The following LRRTM4 variants were observed in gnomAD, a reference collection of about 807,000 sequenced individuals.
The protein encoded by LRRTM4 is leucine rich repeat transmembrane neuronal 4.
A neutral mutation model predicts 47.6 loss-of-function variants in LRRTM4; 25 were observed. The observed-to-expected ratio is 0.53, with a 90% CI of 0.38 to 0.73. The LOEUF is 0.73. Ranked by LOEUF, LRRTM4 falls within the 30% of genes least tolerant of loss-of-function variation. The pLI is 0.00. For synonymous variants in LRRTM4, 311 were observed against 269.5 expected (o/e 1.15, Z -1.51); for missense variants, 638 against 713.4 (o/e 0.89, Z 1.20).
At chr2:77,063,141 G>A (rs911731973) in intron 3 of LRRTM4, among the ~76,000 whole-genome samples, 1 of 147,014 alleles carries the variant, frequency 6.8e-6, no homozygotes, top group Non-Finnish European at 1.5e-5. Flanking sequence ...TTTTTTTTTA[G>A]GAGAGACAGG....
Position 77,519,067 on chromosome 2 carries a change from T to G in LRRTM4, c.802A>C (p.Ile268Leu). 6.2e-7 allele frequency: 1 copy of G among 1,612,794 alleles called. No individual in the cohort carries two copies. Among genetic ancestry groups the G allele is most frequent in the South Asian group, 1.1e-5 (1 of 90,988 alleles). The part of the protein sequence containing the change: ...LDLSGNDIQG[I>L]EPGTFKCLPN... ...AGGCATTTAAATGTGCCCGGCTCAA[T>G]TCCTTGGATGTCATTCCCTGATAAA... is the stretch of plus-strand genomic sequence containing the variant. The change falls in exon 3 of 4, where the codon ATT (isoleucine) becomes CTT (leucine). Residue 268 changes from isoleucine (I) to leucine (L), a missense_variant. Coordinates refer to ENST00000409884, the MANE Select transcript of LRRTM4 (RefSeq NM_001134745.3). This position sits in a 1 kb window ranked among gnomAD's most constrained non-coding sequence, Gnocchi z 4.6.
intron 3 of LRRTM4, among the ~76,000 whole-genome samples, chr2:77,139,685 T>C (rs1478636928): frequency 1.3e-5 from 2 of 152,148 alleles, no homozygotes; most frequent in Non-Finnish European, 2.9e-5. Flanking sequence ...AGTCAAATTG[T>C]CCCTGTTTGT....
chr2:77,065,073 T>C (rs1679910102), intron 3 of LRRTM4, among the ~76,000 whole-genome samples: 1 of 152,212 alleles, frequency 6.6e-6, no homozygotes, highest in South Asian at 2.1e-4. Flanking sequence ...TTAATAATAA[T>C]GTTTTATTGA....
chr2:77,170,472 G>A (rs1352628558), intron 3 of LRRTM4, among the ~76,000 whole-genome samples: 1 of 152,118 alleles, frequency 6.6e-6, no homozygotes, highest in Non-Finnish European at 1.5e-5. Flanking sequence ...CACAATGCTG[G>A]TGACACCTTG....
intron 3 of LRRTM4, among the ~76,000 whole-genome samples, chr2:76,939,442 T>C (rs1318878283): frequency 6.6e-6 from 1 of 152,144 alleles, no homozygotes; most frequent in Non-Finnish European, 1.5e-5. Context: ...ACACAGATTT[T>C]TTTGTCCACA....
At chr2:76,852,599 G>T (rs1184108252) in intron 3 of LRRTM4, among the ~76,000 whole-genome samples, 10 of 152,014 alleles carry the variant, frequency 6.6e-5, no homozygotes. Flanking sequence ...TTTATAAAAA[G>T]ATTATTTTTC....
intron 3 of LRRTM4, among the ~76,000 whole-genome samples, chr2:77,044,572 A>C (rs146477551): frequency 6.6e-6 from 1 of 151,422 alleles, no homozygotes. Context: ...GTGTGTGTGC[A>C]TGCAAAAGGG....
At chr2:77,453,649 T>C (rs1676352720) in intron 3 of LRRTM4, among the ~76,000 whole-genome samples, 1 of 152,204 alleles carries the variant, frequency 6.6e-6, no homozygotes, top group South Asian at 2.1e-4. Context: ...ATATAATATT[T>C]CTATCTAAAG....
chr2:77,225,279 G>T (rs1250216378), intron 3 of LRRTM4, among the ~76,000 whole-genome samples: 2 of 150,028 alleles, frequency 1.3e-5, no homozygotes, highest in Non-Finnish European at 3.0e-5. Context: ...TGAGTTAATG[G>T]GTGCAGCACA....
At chr2:77,127,863 G>A (rs981159439) in intron 3 of LRRTM4, among the ~76,000 whole-genome samples, 2 of 152,174 alleles carry the variant, frequency 1.3e-5, no homozygotes, top group African/African-American at 4.8e-5. Flanking sequence ...TTTTTAAGCC[G>A]GCCAGGTGCA....
chr2:77,241,243 CACAT>C (rs1459294845), intron 3 of LRRTM4, among the ~76,000 whole-genome samples: 525 of 36,208 alleles, frequency 0.014, 3 homozygotes, highest in African/African-American at 0.037. Context: ...CACACACACA[CACAT>C]GGGTCTAGAA....
rs748427172 is a variant in LRRTM4 at position 76,837,935 on chromosome 2, GT to G, written c.1552-89020del. On this transcript the variant is annotated intron_variant, in intron 3 of 3. Coordinates refer to ENST00000409884, the MANE Select transcript of LRRTM4 (RefSeq NM_001134745.3). ...GGAACATCACACTCTGGGGACTGTT[GT>G]GGGGTGGGGGTAGGGGGGAGGGATA... Among the ~76,000 whole-genome samples the G allele has an allele frequency of 3.5e-3, 529 of 151,264 alleles. 2 individuals carry two copies. The highest frequency in any genetic ancestry group is 0.011 in the African/African-American group (458 of 41,158).
intron 3 of LRRTM4, among the ~76,000 whole-genome samples, chr2:77,437,461 GAA>G (rs953644372): frequency 2.6e-5 from 4 of 151,968 alleles, no homozygotes; most frequent in African/African-American, 9.7e-5. Flanking sequence ...TGTTTGAAAT[GAA>G]ATATATTAAA....
rs941591253 is a variant in LRRTM4, at chr2:76,799,673, C to T, written c.1552-50757G>A. On this transcript the variant is annotated intron_variant, in intron 3 of 3. Transcript: ENST00000409884. ...GAGGAAGTCAAATTGTCCCTGTTTG[C>T]GGATGACATGATTGTATATCTAGAA... 4.8e-3 allele frequency among the ~76,000 whole-genome samples: 625 copies of T among 130,806 alleles called. 32 individuals carry two copies. The highest frequency in any genetic ancestry group is 0.019 in the African/African-American group (599 of 32,374). The allele number at this position is 130,806 out of a possible 152,430, so 85.8% of individuals were successfully genotyped here.
chr2:77,014,545 C>T (rs995451221), intron 3 of LRRTM4, among the ~76,000 whole-genome samples: 1 of 145,868 alleles, frequency 6.9e-6, no homozygotes, highest in Non-Finnish European at 1.5e-5. Context: ...GGTGCAGTGG[C>T]TCATGCCTGT....
At chr2:77,417,706 T>C (rs1315606667) in intron 3 of LRRTM4, among the ~76,000 whole-genome samples, 1 of 142,418 alleles carries the variant, frequency 7.0e-6, no homozygotes, top group East Asian at 2.1e-4. Flanking sequence ...AGGTGGGAAT[T>C]GAACAATGAG....
At chr2:76,780,845 G>T (rs572355154) in intron 3 of LRRTM4, among the ~76,000 whole-genome samples, 179 of 151,068 alleles carry the variant, frequency 1.2e-3, no homozygotes, top group African/African-American at 4.0e-3. Context: ...CTGCTTTTCA[G>T]AGTTTCCAGT....
At chr2:77,011,540 T>C (rs757151840) in intron 3 of LRRTM4, among the ~76,000 whole-genome samples, 2,638 of 75,482 alleles carry the variant, frequency 0.035, 116 homozygotes, top group Admixed American at 0.17. Context: ...TTTGTGTGTG[T>C]GTGTGTGTGT....
chr2:77,046,374 AT>A (rs976235364), intron 3 of LRRTM4, among the ~76,000 whole-genome samples: 4 of 152,032 alleles, frequency 2.6e-5, no homozygotes, highest in South Asian at 2.1e-4. Flanking sequence ...CAATAGGCAG[AT>A]TTTTTTTCTA....
Sources: gnomAD v4.1 joint callset for allele counts (sites outside exome capture counted in the v4.1 genomes callset) on GRCh38, gnomAD v4.1.1 for gene constraint, Gnocchi (gnomAD v3.1) non-coding constraint, MANE v1.5 for transcripts, NCBI Gene and HGNC (gene_info 2026-07-23, HGNC 2026-07-21) for gene names.